The following GABRG3 variants were observed in gnomAD, a reference collection of about 807,000 sequenced individuals.
GABRG3 encodes the protein gamma-aminobutyric acid type A receptor subunit gamma3, also known as gamma-aminobutyric acid receptor subunit gamma-3.
Under a neutral mutation model 48.8 loss-of-function variants are expected in GABRG3, and 25 were observed. The ratio of observed to expected loss-of-function variants is 0.51; its 90% CI spans 0.37 to 0.72. The LOEUF (loss-of-function observed/expected upper bound fraction) is 0.72. GABRG3 is among the 30% of genes least tolerant of loss of function. The probability of loss-of-function intolerance (pLI) is 0.00; values close to 1 mark genes in which losing one functional copy is unlikely to be tolerated. For synonymous variants in GABRG3, 227 were observed against 217.6 expected, an observed-to-expected ratio of 1.04 and a Z score of -0.38; for missense variants, 394 against 577.9, an observed-to-expected ratio of 0.68 and a Z score of 3.26.
intron 5 of GABRG3, among the ~76,000 whole-genome samples, chr15:27,424,834 G>A (rs940155752): frequency 2.6e-5 from 4 of 152,170 alleles, no homozygotes; most frequent in African/African-American, 4.8e-5. Context: ...GATTACAGGC[G>A]TGAACCACCG....
rs1895153158 is a variant in GABRG3, at chr15:27,365,288, GAC to G, written c.574+36408_574+36409del. 3.0e-5 allele frequency: 3 copies of G among 100,152 alleles called. No individual in the cohort carries two copies. The South Asian group carries it at 1.2e-3, about 39-fold the overall frequency. 6.2% of individuals were successfully genotyped at this position (100,152 alleles called of 1,614,324 possible). On this transcript the variant is annotated intron_variant, in intron 5 of 9. Coordinates refer to ENST00000615808, the MANE Select transcript of GABRG3 (RefSeq NM_033223.5). ...TCCCAATTACGGCATTTATAGCTAA[GAC>G]ACACACAGACACAGACACACACACA...
intron 2 of GABRG3, among the ~76,000 whole-genome samples, chr15:27,005,138 A>T (rs1308607807): frequency 6.6e-6 from 1 of 152,104 alleles, no homozygotes; most frequent in Non-Finnish European, 1.5e-5. Context: ...TCATGGCAGT[A>T]TTTGTCTAAA....
At chr15:27,087,582 G>T (rs150882210) in intron 3 of GABRG3, among the ~76,000 whole-genome samples, 5 of 152,328 alleles carry the variant, frequency 3.3e-5, no homozygotes, top group Admixed American at 6.5e-5. Flanking sequence ...GAGGGCCTGA[G>T]GTGTGTGCAT....
chr15:27,355,849 G>A (rs546918853), intron 5 of GABRG3, among the ~76,000 whole-genome samples: 3 of 152,220 alleles, frequency 2.0e-5, no homozygotes, highest in South Asian at 4.1e-4. Flanking sequence ...ACCATGCAAA[G>A]TGAAAAAACC....
intron 5 of GABRG3, among the ~76,000 whole-genome samples, chr15:27,454,941 T>C (rs561928171): frequency 6.6e-6 from 1 of 152,320 alleles, no homozygotes; most frequent in African/African-American, 2.4e-5. Flanking sequence ...CGGTCATTAT[T>C]CATCTCTTTT....
chr15:26,975,156 C>T lies in GABRG3; in HGVS notation c.54-1846C>T, dbSNP rs532092253. ...CTTCCCAAAGTGTTGGGATTACAGG[C>T]GTGAACAACCATGCCCGGCCAGATG... On this transcript the variant is annotated intron_variant, in intron 1 of 9. Coordinates refer to ENST00000615808, the MANE Select transcript of GABRG3 (RefSeq NM_033223.5). The surrounding 1 kb of genome is among the most constrained non-coding windows in gnomAD (Gnocchi z 4.6). Among the ~76,000 whole-genome samples, 79 of 152,180 alleles carry T rather than the reference C, an allele frequency of 5.2e-4. 3 individuals carry two copies. The South Asian group carries it at 0.013, about 26-fold the overall frequency.
At chr15:27,328,363 CCA>C (rs1353764744) in intron 4 of GABRG3, among the ~76,000 whole-genome samples, 1 of 152,150 alleles carries the variant, frequency 6.6e-6, no homozygotes, top group African/African-American at 2.4e-5. Context: ...GGCAGAGCTA[CCA>C]CCTGCCTAGT....
chr15:26,976,966 C>T lies in GABRG3; in HGVS notation c.54-36C>T. On this transcript the variant is annotated intron_variant, in intron 1 of 9. Coordinates refer to ENST00000615808, the MANE Select transcript of GABRG3 (RefSeq NM_033223.5). This position sits in a 1 kb window ranked among gnomAD's most constrained non-coding sequence, Gnocchi z 7.8. ...TAGGCTCTTCCTAGAGCCATTGCTG[C>T]CACTTATATGTCGCATTTTTGTGCT... The T allele has an allele frequency of 6.2e-7, 1 of 1,612,872 alleles. No homozygotes were observed. Among genetic ancestry groups the T allele is most frequent in the Non-Finnish European group, 8.5e-7 (1 of 1,179,270 alleles).
At position 27,236,983 on chromosome 15, in the gene GABRG3, G is replaced by A. The variant is rs576789776; in HGVS notation, c.271-89826G>A. Among the ~76,000 whole-genome samples, 9 of 152,264 alleles carry A rather than the reference G, an allele frequency of 5.9e-5. No individual in the cohort carries two copies. Among genetic ancestry groups the A allele is most frequent in the Admixed American group, 2.6e-4 (4 of 15,298 alleles). On this transcript the variant is annotated intron_variant, in intron 3 of 9. Transcript: ENST00000615808. The surrounding 1 kb of genome is among the most constrained non-coding windows in gnomAD (Gnocchi z 4.4). ...GGTTATGCTTCCCAGCCTGCAGGAC[G>A]GCCACCCGTATGAAATAAAGCTCTC...
At chr15:27,476,737 G>T (rs1426618640) in intron 5 of GABRG3, among the ~76,000 whole-genome samples, 2 of 152,186 alleles carry the variant, frequency 1.3e-5, no homozygotes, top group African/African-American at 4.8e-5. Context: ...GAGGAGAAGA[G>T]AAGAGAAGAG....
intron 3 of GABRG3, among the ~76,000 whole-genome samples, chr15:27,074,005 A>G (rs1896869088): frequency 6.6e-6 from 1 of 152,202 alleles, no homozygotes; most frequent in Admixed American, 6.5e-5. Flanking sequence ...AAGCCTCACA[A>G]TCATGGTGGA....
intron 3 of GABRG3, among the ~76,000 whole-genome samples, chr15:27,183,906 TA>T (rs1888011942): frequency 6.6e-6 from 1 of 152,242 alleles, no homozygotes; most frequent in South Asian, 2.1e-4. Context: ...ACCTCACATT[TA>T]TTCATCACTA....
At chr15:27,493,300 A>G (rs796287749) in intron 6 of GABRG3, among the ~76,000 whole-genome samples, 4 of 152,278 alleles carry the variant, frequency 2.6e-5, no homozygotes, top group African/African-American at 9.6e-5. Flanking sequence ...GGAAAAATAT[A>G]AACATGAGAA....
chr15:26,977,294 G>C, intron 2 of GABRG3, 144 bp downstream of exon 2: 1 of 843,518 alleles, frequency 1.2e-6, no homozygotes, highest in Non-Finnish European at 1.8e-6. Context: ...AGATAACTTA[G>C]TGTGATACCA....
chr15:26,992,270 A>G (rs115103457), intron 2 of GABRG3, among the ~76,000 whole-genome samples: 2 of 152,302 alleles, frequency 1.3e-5, no homozygotes, highest in African/African-American at 2.4e-5. Flanking sequence ...TACTATGTAG[A>G]ATAACAGTGG....
intron 5 of GABRG3, among the ~76,000 whole-genome samples, chr15:27,350,971 TTGTG>T (rs559569124): frequency 3.0e-3 from 451 of 148,880 alleles, no homozygotes; most frequent in African/African-American, 0.011. Flanking sequence ...TGGTGTGTGT[TTGTG>T]TGTGTATGGT....
At chr15:27,472,908 T>C (rs568457155) in intron 5 of GABRG3, among the ~76,000 whole-genome samples, 1 of 152,292 alleles carries the variant, frequency 6.6e-6, no homozygotes. Flanking sequence ...TTTTGCTTTC[T>C]ATGGAGATGA....
chr15:27,080,570 G>C (rs1896976572), intron 3 of GABRG3, among the ~76,000 whole-genome samples: 1 of 152,102 alleles, frequency 6.6e-6, no homozygotes, highest in African/African-American at 2.4e-5. Context: ...CTTGAGGCTG[G>C]GAGTTTGAGA....
chr15:27,465,153 G>A (rs963777848), intron 5 of GABRG3, among the ~76,000 whole-genome samples: 1 of 152,172 alleles, frequency 6.6e-6, no homozygotes, highest in Non-Finnish European at 1.5e-5. Flanking sequence ...TGCTGGTGGA[G>A]GGGGGTCTCC....
Sources: gnomAD v4.1 joint callset for allele counts (sites outside exome capture counted in the v4.1 genomes callset) on GRCh38, gnomAD v4.1.1 for gene constraint, Gnocchi (gnomAD v3.1) non-coding constraint, MANE v1.5 for transcripts, NCBI Gene and HGNC (gene_info 2026-07-23, HGNC 2026-07-21) for gene names.